Variants in MYO16 observed in about 807,000 individuals in gnomAD.
MYO16 encodes myosin XVI.
Under a neutral mutation model 205.3 loss-of-function variants are expected in MYO16, and 94 were observed. That is an observed-to-expected ratio of 0.46 (90% confidence interval 0.39 to 0.54). MYO16 has a LOEUF of 0.54. Ranked by LOEUF, MYO16 falls within the 20% of genes least tolerant of loss-of-function variation. The probability of loss-of-function intolerance (pLI) is 0.00; values close to 1 mark genes in which losing one functional copy is unlikely to be tolerated. For synonymous variants in MYO16, 988 were observed against 954.0 expected (o/e 1.04, Z -0.66); for missense variants, 2,315 against 2,387.5 (o/e 0.97, Z 0.63).
the MYO16 span, among the ~76,000 whole-genome samples, chr13:108,544,297 C>T: frequency 2.6e-5 from 4 of 152,132 alleles, no homozygotes; most frequent in African/African-American, 7.2e-5. Flanking sequence ...TGTCCAATCA[C>T]GTAAAACCTT....
intron 4 of MYO16, among the ~76,000 whole-genome samples, chr13:108,735,984 G>A (rs1053930430): frequency 3.2e-5 from 2 of 63,412 alleles, no homozygotes; most frequent in African/African-American, 7.4e-5. Flanking sequence ...ACTTTTTGAT[G>A]GGGTTGTTTG....
chr13:109,008,685 T>C (rs1469523123), intron 21 of MYO16, among the ~76,000 whole-genome samples: 1 of 147,298 alleles, frequency 6.8e-6, no homozygotes, highest in Admixed American at 6.7e-5. Context: ...CTATCTTGTG[T>C]ATGCACTACT....
chr13:108,532,239 A>T, the MYO16 span, among the ~76,000 whole-genome samples: 2 of 151,886 alleles, frequency 1.3e-5, no homozygotes, highest in African/African-American at 4.8e-5. Flanking sequence ...AAAAATAAAT[A>T]AATGAAAAAT....
At chr13:108,951,728 G>T (rs1883156931) in intron 16 of MYO16, among the ~76,000 whole-genome samples, 1 of 152,182 alleles carries the variant, frequency 6.6e-6, no homozygotes, top group Non-Finnish European at 1.5e-5. Flanking sequence ...GATTTCTGGT[G>T]AGGAAAGATA....
At chr13:108,659,015 C>T (rs75571675) in intron 1 of MYO16, among the ~76,000 whole-genome samples, 6,460 of 151,264 alleles carry the variant, frequency 0.043, 165 homozygotes, top group Middle Eastern at 0.15. Flanking sequence ...TTCTAGATGA[C>T]ATGGGGCATT....
rs1449304622 is a variant in MYO16 at position 109,062,258 on chromosome 13, C to T, written c.3335+6663C>T. On this transcript the variant is annotated intron_variant, in intron 27 of 34. Transcript: ENST00000457511. ...ATATGTATGCAATAGACTATAACTTCTTCTAAATGAGGATCGTATCGTATT... is the reference window on the plus strand; with the variant it reads ...ATATGTATGCAATAGACTATAACTTTTTCTAAATGAGGATCGTATCGTATT... Among the ~76,000 whole-genome samples the T allele has an allele frequency of 3.3e-5, 5 of 152,238 alleles. No homozygotes were observed. In the East Asian group the frequency reaches 9.7e-4, roughly 29 times the overall value.
chr13:108,903,291 A>T (rs1880797184), intron 15 of MYO16, among the ~76,000 whole-genome samples: 1 of 152,152 alleles, frequency 6.6e-6, no homozygotes, highest in African/African-American at 2.4e-5. Context: ...TTGCTGTGTT[A>T]ATTTCTTGCT....
At chr13:109,138,965 C>T (rs144954258) in intron 31 of MYO16, among the ~76,000 whole-genome samples, 2,501 of 152,182 alleles carry the variant, frequency 0.016, 72 homozygotes, top group African/African-American at 0.055. Context: ...ACTACAGGCG[C>T]GTGCCACCTC....
chr13:108,668,675 C>G (rs1200398821), intron 2 of MYO16, among the ~76,000 whole-genome samples: 1 of 152,148 alleles, frequency 6.6e-6, no homozygotes, highest in Non-Finnish European at 1.5e-5. Context: ...TTCAGTTTGC[C>G]TGTTTCTTTG....
chr13:109,008,602 G>A (rs1885483377), intron 21 of MYO16, among the ~76,000 whole-genome samples: 1 of 103,050 alleles, frequency 9.7e-6, no homozygotes, highest in Non-Finnish European at 2.0e-5. Flanking sequence ...GTACTATCTT[G>A]TGTATGCACT....
intron 4 of MYO16, among the ~76,000 whole-genome samples, chr13:108,753,382 A>AAAAAAAAAAAAAC (rs1885313004): frequency 2.6e-5 from 4 of 151,216 alleles, no homozygotes; most frequent in African/African-American, 7.3e-5. Flanking sequence ...AAAAAAAAAA[A>AAAAAAAAAAAAAC]AAAAAAAAAA....
At chr13:108,869,731 T>TTAAAAAA (rs1317454160) in intron 12 of MYO16, among the ~76,000 whole-genome samples, 2 of 67,024 alleles carry the variant, frequency 3.0e-5, no homozygotes, top group African/African-American at 1.4e-4. Flanking sequence ...ACTCCGTTTC[T>TTAAAAAA]AAAAAAAAAA....
chr13:108,761,787 C>T (rs1260541735), intron 4 of MYO16, among the ~76,000 whole-genome samples: 1 of 152,126 alleles, frequency 6.6e-6, no homozygotes, highest in East Asian at 1.9e-4. Context: ...CTGTTGCCTT[C>T]CTTTTGCTGG....
At chr13:108,658,170 A>G (rs996459182) in intron 1 of MYO16, among the ~76,000 whole-genome samples, 2 of 152,164 alleles carry the variant, frequency 1.3e-5, no homozygotes, top group African/African-American at 2.4e-5. Flanking sequence ...CCTTAAAGAC[A>G]GGTTAAATCA....
At chr13:108,910,341 G>A (rs1275678579) in intron 16 of MYO16, among the ~76,000 whole-genome samples, 191 bp downstream of exon 16, 2 of 150,804 alleles carry the variant, frequency 1.3e-5, no homozygotes, top group African/African-American at 2.4e-5. Context: ...AGTTGTATGT[G>A]TGTGAACAAA....
At position 108,629,726 on chromosome 13, in the gene MYO16, C is replaced by A; in HGVS notation, c.-119C>A. ...GGAACAGAGCCTCCATGCAATAGTG[C>A]ATCCTGAGGTAAACTGTTACCTGAG... On this transcript the variant is annotated 5_prime_UTR_variant, in exon 1 of 35. Coordinates refer to ENST00000457511, the MANE Select transcript of MYO16 (RefSeq NM_001198950.3). 1.2e-6 allele frequency: 1 copy of A among 859,526 alleles called. No individual in the cohort carries two copies. Among genetic ancestry groups the A allele is most frequent in the Non-Finnish European group, 1.8e-6 (1 of 555,922 alleles). 53.2% of individuals were successfully genotyped at this position (859,526 alleles called of 1,614,324 possible).
chr13:108,869,536 A>T (rs196163), intron 12 of MYO16, among the ~76,000 whole-genome samples: 1 of 148,770 alleles, frequency 6.7e-6, no homozygotes, highest in Non-Finnish European at 1.5e-5. Context: ...CATCCTGGCT[A>T]ACACGATGAA....
intron 2 of MYO16, among the ~76,000 whole-genome samples, chr13:108,667,750 C>CA (rs1488083251): frequency 4.0e-4 from 61 of 152,070 alleles, no homozygotes; most frequent in Admixed American, 4.0e-3. Context: ...TAACAAAACA[C>CA]AAAAAATAAT....
At chr13:109,008,512 T>A (rs1348086538) in intron 21 of MYO16, among the ~76,000 whole-genome samples, 1 of 99,622 alleles carries the variant, frequency 1.0e-5, no homozygotes, top group Admixed American at 9.7e-5. Flanking sequence ...GTGTATGCAC[T>A]ACTGTACTAT....
Sources: gnomAD v4.1 joint callset for allele counts (sites outside exome capture counted in the v4.1 genomes callset) on GRCh38, gnomAD v4.1.1 for gene constraint, MANE v1.5 for transcripts, NCBI Gene and HGNC (gene_info 2026-07-23, HGNC 2026-07-21) for gene names.